Variants in ZC3H13 observed in about 807,000 individuals in gnomAD.
The protein encoded by ZC3H13 is zinc finger CCCH domain-containing protein 13.
In ZC3H13, 64 loss-of-function variants were observed where a neutral mutation model predicts 204.1. The ratio of observed to expected loss-of-function variants is 0.31; its 90% CI spans 0.26 to 0.39. The LOEUF (loss-of-function observed/expected upper bound fraction) is 0.39. Ranked by LOEUF, ZC3H13 falls within the 10% of genes least tolerant of loss-of-function variation. The pLI is 1.00. For synonymous variants in ZC3H13, 667 were observed against 693.7 expected (o/e 0.96, Z 0.60); for missense variants, 1,833 against 2,082.7 (o/e 0.88, Z 2.33).
intron 7 of ZC3H13, among the ~76,000 whole-genome samples, chr13:46,006,983 G>A (rs551490585): frequency 2.0e-5 from 3 of 151,748 alleles, no homozygotes; most frequent in African/African-American, 7.3e-5. Context: ...CACCCTAACA[G>A]ATATGTGATA....
At chr13:45,998,309 T>A (rs1452582634) in intron 8 of ZC3H13, among the ~76,000 whole-genome samples, 1 of 152,168 alleles carries the variant, frequency 6.6e-6, no homozygotes, top group East Asian at 1.9e-4. Context: ...AAGTTATGTT[T>A]ACACTATACT....
chr13:46,044,166 T>C (rs1443214756), intron 3 of ZC3H13, among the ~76,000 whole-genome samples: 1 of 148,680 alleles, frequency 6.7e-6, no homozygotes, highest in Admixed American at 6.7e-5. Context: ...AAAAAAATCA[T>C]TCAACTAAAA....
Position 45,957,154 on chromosome 13 carries a change from A to G in ZC3H13, c.4983T>C (p.Ser1661=), listed in dbSNP as rs1439833212. ...KTEDNKLSQS[S]IQQELCVS ...AAGACACACACAGTTCCTGTTGGATACTGGACTGTGAAAGTTTATTATCTT... is the reference window on the plus strand; with the variant it reads ...AAGACACACACAGTTCCTGTTGGATGCTGGACTGTGAAAGTTTATTATCTT... The change falls in exon 19 of 19, where the codon AGT becomes AGC. Residue 1661 remains serine, a synonymous_variant. Coordinates refer to ENST00000679008, the MANE Select transcript of ZC3H13 (RefSeq NM_001330564.2). The G allele has an allele frequency of 2.6e-6, 4 of 1,545,810 alleles. No homozygotes were observed. The highest frequency in any genetic ancestry group is 1.4e-5 in the African/African-American group (1 of 72,966).
intron 11 of ZC3H13, chr13:45,976,327 C>A: frequency 1.1e-6 from 1 of 878,182 alleles, no homozygotes; most frequent in Non-Finnish European, 1.4e-6. Flanking sequence ...AAAATATATA[C>A]ACATCAAAGT....
rs551040829 is a variant in ZC3H13, at chr13:46,024,493, T to G, written c.340-3936A>C. On this transcript the variant is annotated intron_variant, in intron 4 of 18. Transcript: ENST00000679008. ...CAGTACTTTGAAAATATTATTTCACTGCCTTTTAGCTTCCATTGTTTGTTA... is the reference window on the plus strand; with the variant it reads ...CAGTACTTTGAAAATATTATTTCACGGCCTTTTAGCTTCCATTGTTTGTTA... 9.8e-5 allele frequency among the ~76,000 whole-genome samples: 15 copies of G among 152,330 alleles called. No individual in the cohort carries two copies. In the East Asian group the frequency reaches 2.9e-3, roughly 29 times the overall value.
intron 1 of ZC3H13, among the ~76,000 whole-genome samples, chr13:46,050,814 A>G (rs1384551361): frequency 1.1e-5 from 1 of 87,278 alleles, no homozygotes; most frequent in Non-Finnish European, 2.2e-5. Flanking sequence ...AGAAAAAACA[A>G]TTTGTTAAAA....
At chr13:46,026,969 G>GA (rs1388932224) in intron 4 of ZC3H13, among the ~76,000 whole-genome samples, 2 of 152,102 alleles carry the variant, frequency 1.3e-5, no homozygotes, top group Non-Finnish European at 2.9e-5. Context: ...TGTAAAAGCT[G>GA]ATTCTCTGAA....
chr13:46,022,463 A>G (rs1265687840), intron 4 of ZC3H13, among the ~76,000 whole-genome samples: 2 of 151,890 alleles, frequency 1.3e-5, no homozygotes, highest in African/African-American at 2.4e-5. Flanking sequence ...CTTTTCTCTT[A>G]TACTCAAATA....
chr13:46,052,287 G>A (rs910234015), intron 1 of ZC3H13, 117 bp downstream of exon 1: 1 of 368,938 alleles, frequency 2.7e-6, no homozygotes, highest in African/African-American at 2.1e-5. Context: ...GATGCTCAAG[G>A]AAAGCTCAAA....
In ZC3H13 at chr13:46,050,344, C is replaced by A. The variant is rs1246530044; in HGVS notation, c.-10+2060G>T. On this transcript the variant is annotated intron_variant, in intron 1 of 18. Coordinates refer to ENST00000679008, the MANE Select transcript of ZC3H13 (RefSeq NM_001330564.2). ...ACTCCAGAAGCTCAATTAATAAAAT[C>A]TTGTCAATAAACACATATGCGTTCT... 2.6e-5 allele frequency among the ~76,000 whole-genome samples: 4 copies of A among 152,058 alleles called. No homozygotes were observed. The East Asian group carries it at 5.8e-4, about 22-fold the overall frequency.
intron 16 of ZC3H13, 74 bp downstream of exon 16, chr13:45,965,206 G>C (rs1199037830): frequency 4.6e-6 from 7 of 1,519,128 alleles, no homozygotes; most frequent in Non-Finnish European, 6.2e-6. Context: ...AATTTTTACA[G>C]AGTAGAAGGT....
rs764071025 is a variant in ZC3H13 at position 45,988,931 on chromosome 13, C to T, written c.1111G>A (p.Ala371Thr). 3 of 1,614,028 alleles carry T rather than the reference C, an allele frequency of 1.9e-6. No individual in the cohort carries two copies. Among genetic ancestry groups the T allele is most frequent in the Middle Eastern group, 3.3e-4 (2 of 6,062 alleles). The change falls in exon 9 of 19, where the codon GCC becomes ACC. Residue 371 changes from alanine to threonine, a missense_variant. Transcript: ENST00000679008. ...AAAGAATGTGAAGGATAAGGAGAGGCAGAGCGTCGTAAAGGTGGAGTTAGT... is the reference window on the plus strand; with the variant it reads ...AAAGAATGTGAAGGATAAGGAGAGGTAGAGCGTCGTAAAGGTGGAGTTAGT... The part of the protein sequence containing the change: ...RTLTPPLRRS[A>T]SPYPSHSLSS...
chr13:46,004,865 C>A (rs754121046), intron 7 of ZC3H13, among the ~76,000 whole-genome samples: 1 of 152,038 alleles, frequency 6.6e-6, no homozygotes, highest in Non-Finnish European at 1.5e-5. Flanking sequence ...TTTTGGGGTA[C>A]AAATTTTGTT....
chr13:46,035,072 G>A (rs758693240), intron 4 of ZC3H13, among the ~76,000 whole-genome samples: 8 of 152,160 alleles, frequency 5.3e-5, no homozygotes, highest in Non-Finnish European at 8.8e-5. Context: ...ACAAGCACAT[G>A]CTCATTCCCT....
In ZC3H13 at chr13:45,965,288, T is replaced by C; in HGVS notation, c.4466A>G (p.Lys1489Arg). 1 of 1,613,232 alleles carries C rather than the reference T, an allele frequency of 6.2e-7. No homozygotes were observed. Among genetic ancestry groups the C allele is most frequent in the Non-Finnish European group, 8.5e-7 (1 of 1,179,550 alleles). The part of the protein sequence containing the change: ...EKREDQQDEE[K>R]MPDPLDVIDV... ...CCTCTGCAAATAGTTACCTGGCATC[T>C]TCTCCTCATCCTGTTGGTCCTCCCT... The change falls in exon 16 of 19, where the codon AAG becomes AGG. Residue 1489 changes from lysine (K) to arginine (R), a missense_variant. Transcript: ENST00000679008.
intron 4 of ZC3H13, among the ~76,000 whole-genome samples, chr13:46,021,318 T>C (rs1408210836): frequency 6.6e-6 from 1 of 152,000 alleles, no homozygotes; most frequent in African/African-American, 2.4e-5. Context: ...GTCAATTAAA[T>C]GTCCTATTAC....
chr13:46,008,969 A>G (rs2041352483), intron 7 of ZC3H13, among the ~76,000 whole-genome samples: 1 of 152,180 alleles, frequency 6.6e-6, no homozygotes, highest in African/African-American at 2.4e-5. Flanking sequence ...CTATGAGAAG[A>G]CAGAACTATG....
At chr13:45,998,958 C>T (rs939813317) in intron 8 of ZC3H13, among the ~76,000 whole-genome samples, 3 of 152,094 alleles carry the variant, frequency 2.0e-5, no homozygotes, top group South Asian at 2.1e-4. Flanking sequence ...AAACTGCAGT[C>T]GGCTGGGCAT....
intron 12 of ZC3H13, among the ~76,000 whole-genome samples, chr13:45,974,079 G>C (rs1566177400): frequency 6.6e-6 from 1 of 152,224 alleles, no homozygotes; most frequent in Non-Finnish European, 1.5e-5. Flanking sequence ...GTAAGAGCAA[G>C]AAAATTGAAG....
Sources: gnomAD v4.1 joint callset for allele counts (sites outside exome capture counted in the v4.1 genomes callset) on GRCh38, gnomAD v4.1.1 for gene constraint, MANE v1.5 for transcripts, NCBI Gene and HGNC (gene_info 2026-07-23, HGNC 2026-07-21) for gene names.